The following KIAA1217 variants were observed in gnomAD, a reference collection of about 807,000 sequenced individuals.
KIAA1217 encodes the protein sickle tail protein homolog.
A neutral mutation model predicts 163.9 loss-of-function variants in KIAA1217; 88 were observed. The observed-to-expected ratio is 0.54, with a 90% CI of 0.45 to 0.64. The LOEUF is 0.64. Among genes scored for constraint, KIAA1217 ranks in the 30% least tolerant of loss-of-function variants. KIAA1217 has a pLI of 0.00. For missense variants in KIAA1217, 2,372 were observed against 2,475.0 expected (o/e 0.96, Z 0.88); for synonymous variants, 903 against 923.1 (o/e 0.98, Z 0.39).
At chr10:24,288,478 G>A (rs889619550) in intron 2 of KIAA1217, among the ~76,000 whole-genome samples, 9 of 152,160 alleles carry the variant, frequency 5.9e-5, no homozygotes, top group East Asian at 1.9e-4. Flanking sequence ...TCCACACGCC[G>A]GCCAATAGAA....
chr10:23,862,027 T>C (rs1317165098), intron 1 of KIAA1217, among the ~76,000 whole-genome samples: 1 of 152,222 alleles, frequency 6.6e-6, no homozygotes, highest in Non-Finnish European at 1.5e-5. Flanking sequence ...ACTTTAGTTC[T>C]GAACTGGTCA....
chr10:24,214,432 C>G (rs1357856613), intron 1 of KIAA1217, among the ~76,000 whole-genome samples: 1 of 152,066 alleles, frequency 6.6e-6, no homozygotes, highest in East Asian at 1.9e-4. Flanking sequence ...TCTGCTGGAT[C>G]CTTTGTATTC....
chr10:24,501,729 CTTTTTTTTTTTTTTTTTTTT>C (rs71397953), intron 9 of KIAA1217, among the ~76,000 whole-genome samples, 184 bp downstream of exon 9: 30 of 51,506 alleles, frequency 5.8e-4, no homozygotes, highest in Admixed American at 2.8e-4. Context: ...ATAACCACTT[CTTTTTTTTTTTTTTTTTTTT>C]TTTTTTTTTT....
chr10:24,111,251 T>G (rs150822671), intron 2 of KIAA1217, among the ~76,000 whole-genome samples: 38 of 152,310 alleles, frequency 2.5e-4, no homozygotes, highest in Non-Finnish European at 4.9e-4. Context: ...TACAGTTTAA[T>G]TAATGGAATA....
chr10:24,395,817 T>A (rs1216039874), intron 3 of KIAA1217, among the ~76,000 whole-genome samples: 1 of 152,056 alleles, frequency 6.6e-6, no homozygotes, highest in Admixed American at 6.6e-5. Flanking sequence ...ACTATAGGTG[T>A]GTACTATCAA....
chr10:24,097,888 A>G (rs1223895373), intron 2 of KIAA1217, among the ~76,000 whole-genome samples: 4 of 152,170 alleles, frequency 2.6e-5, no homozygotes, highest in Non-Finnish European at 4.4e-5. Flanking sequence ...TTTCATAGGC[A>G]GGAACAGCCA....
At chr10:24,072,460 T>G (rs1048327781) in intron 2 of KIAA1217, among the ~76,000 whole-genome samples, 1 of 152,238 alleles carries the variant, frequency 6.6e-6, no homozygotes, top group African/African-American at 2.4e-5. Context: ...TTGTCCTGCA[T>G]GTATTAGGTA....
At chr10:24,004,417 T>C (rs1394498772) in intron 1 of KIAA1217, among the ~76,000 whole-genome samples, 1 of 152,224 alleles carries the variant, frequency 6.6e-6, no homozygotes, top group African/African-American at 2.4e-5. Flanking sequence ...CACTAAGAAC[T>C]TCCACTTGGC....
chr10:24,207,282 TCACACACACACA>T (rs71397934), upstream of KIAA1217, among the ~76,000 whole-genome samples: 1 of 140,166 alleles, frequency 7.1e-6, no homozygotes, highest in Non-Finnish European at 1.5e-5. Context: ...TCTCTCTCTC[TCACACACACACA>T]CACACACACA....
intron 3 of KIAA1217, among the ~76,000 whole-genome samples, chr10:24,385,015 A>G (rs2053827657): frequency 6.6e-6 from 1 of 152,202 alleles, no homozygotes; most frequent in South Asian, 2.1e-4. Context: ...GGCCTGGAGT[A>G]AGGAGAGTGA....
chr10:24,362,640 C>T (rs1467753533), intron 2 of KIAA1217, among the ~76,000 whole-genome samples: 2 of 152,142 alleles, frequency 1.3e-5, no homozygotes, highest in Non-Finnish European at 2.9e-5. Flanking sequence ...CATGGTTAGT[C>T]TCCTAACTGG....
chr10:23,816,366 C>T (rs1400565387), intron 1 of KIAA1217, among the ~76,000 whole-genome samples: 1 of 152,146 alleles, frequency 6.6e-6, no homozygotes, highest in Non-Finnish European at 1.5e-5. Context: ...TATCTCGGCT[C>T]ACTGCAACCT....
chr10:23,893,826 T>C (rs1841537530), intron 1 of KIAA1217, among the ~76,000 whole-genome samples: 1 of 152,116 alleles, frequency 6.6e-6, no homozygotes, highest in South Asian at 2.1e-4. Context: ...GATGCAAGGC[T>C]GGTTCAATAT....
chr10:24,119,390 A>G (rs1170316507), intron 2 of KIAA1217, among the ~76,000 whole-genome samples: 3 of 152,244 alleles, frequency 2.0e-5, no homozygotes, highest in Admixed American at 2.0e-4. Flanking sequence ...AGCTAAAACA[A>G]TAACTCTTGT....
At chr10:24,502,624 G>A (rs531338104) in intron 9 of KIAA1217, among the ~76,000 whole-genome samples, 4 of 152,166 alleles carry the variant, frequency 2.6e-5, no homozygotes, top group Admixed American at 6.5e-5. Flanking sequence ...TAGGTTGGTC[G>A]TTGAGGATAC....
chr10:24,417,576 C>T (rs1324612048), intron 3 of KIAA1217, among the ~76,000 whole-genome samples: 5 of 152,076 alleles, frequency 3.3e-5, no homozygotes, highest in East Asian at 3.9e-4. Flanking sequence ...TAGACTGATG[C>T]GGACTAGAAT....
chr10:24,426,794 G>A (rs143388753), intron 3 of KIAA1217, among the ~76,000 whole-genome samples: 64 of 152,312 alleles, frequency 4.2e-4, no homozygotes, highest in African/African-American at 1.4e-3. Context: ...AGTGCGTGGC[G>A]CAGCGTGTGG....
chr10:23,963,472 T>A (rs1480992374), intron 1 of KIAA1217, among the ~76,000 whole-genome samples: 2 of 152,226 alleles, frequency 1.3e-5, no homozygotes, highest in Non-Finnish European at 2.9e-5. Flanking sequence ...TGTAGAGTAT[T>A]CCATGGTGTA....
At chr10:24,149,358 A>G (rs1222535210) in intron 2 of KIAA1217, among the ~76,000 whole-genome samples, 1 of 151,654 alleles carries the variant, frequency 6.6e-6, no homozygotes, top group Non-Finnish European at 1.5e-5. Flanking sequence ...TTTTTTTTGT[A>G]CTTTTAGTAG....
Sources: allele counts gnomAD v4.1 joint callset (sites outside exome capture counted in the v4.1 genomes callset), GRCh38; gene constraint gnomAD v4.1.1; transcripts MANE v1.5; gene names NCBI Gene and HGNC (gene_info 2026-07-23, HGNC 2026-07-21).